The following USP15 variants were observed in gnomAD, a reference collection of about 807,000 sequenced individuals.
USP15 encodes the protein ubiquitin specific peptidase 15, also known as ubiquitin carboxyl-terminal hydrolase 15.
A neutral mutation model predicts 127.1 loss-of-function variants in USP15; 18 were observed. The observed-to-expected ratio is 0.14, with a 90% confidence interval of 0.10 to 0.21. The LOEUF (loss-of-function observed/expected upper bound fraction) is 0.21, where lower values mean the gene tolerates loss of function less well. USP15 is among the 10% of genes least tolerant of loss of function. The pLI is 1.00. For missense variants in USP15, 805 were observed against 1,159.9 expected, an observed-to-expected ratio of 0.69 and a Z score of 4.44; for synonymous variants, 364 against 393.7, an observed-to-expected ratio of 0.92 and a Z score of 0.89.
intron 1 of USP15, among the ~76,000 whole-genome samples, chr12:62,275,066 G>C (rs1001594985): frequency 6.6e-6 from 1 of 152,058 alleles, no homozygotes; most frequent in Non-Finnish European, 1.5e-5. Context: ...ATGGAGCGGG[G>C]AATATAGGTT....
intron 6 of USP15, among the ~76,000 whole-genome samples, chr12:62,329,166 G>A (rs1256479647): frequency 6.6e-6 from 1 of 152,152 alleles, no homozygotes; most frequent in African/African-American, 2.4e-5. Context: ...GTGGTCAGGA[G>A]TTCAAGACCA....
chr12:62,357,583 CAGTG>C (rs1428362846), intron 8 of USP15, among the ~76,000 whole-genome samples: 3 of 151,878 alleles, frequency 2.0e-5, no homozygotes, highest in Admixed American at 6.6e-5. Context: ...AAAATTTTAG[CAGTG>C]AGTATTTTAA....
chr12:62,335,709 C>CT, intron 6 of USP15: 2 of 985,390 alleles, frequency 2.0e-6, no homozygotes, highest in Non-Finnish European at 2.4e-6. Context: ...CATCCTTAAG[C>CT]TTTTTTTTCT....
intron 1 of USP15, among the ~76,000 whole-genome samples, chr12:62,276,245 G>A (rs1277980686): frequency 6.6e-6 from 1 of 152,042 alleles, no homozygotes. Context: ...AAATGTCTTA[G>A]TATTCAGAAA....
rs1448584062 is a variant in USP15, at chr12:62,415,866, G to A, written c.*11491G>A. The A allele has an allele frequency of 1.3e-5, 2 of 152,106 alleles. No individual in the cohort carries two copies. The highest frequency in any genetic ancestry group is 2.9e-5 in the Non-Finnish European group (2 of 68,020). The allele number at this position is 152,106 out of a possible 1,614,324, so 9.4% of individuals were successfully genotyped here. A position where few individuals can be genotyped will look rare whatever the true frequency, so the allele number is the denominator to read the frequency against. ...TTGTGTCTTGATCATTATGAAAAAT[G>A]TGGCAGGTATTATTACTAATAAAGA... On this transcript the variant is annotated 3_prime_UTR_variant, in exon 22 of 22. Coordinates refer to ENST00000280377, the MANE Select transcript of USP15 (RefSeq NM_001252078.2).
chr12:62,338,120 C>A lies in USP15; in HGVS notation c.684-11101C>A, dbSNP rs532464684. Among the ~76,000 whole-genome samples the A allele has an allele frequency of 3.3e-5, 5 of 152,336 alleles. No homozygotes were observed. The South Asian group carries it at 1.0e-3, about 32-fold the overall frequency. ...CAGTAGTGTAAAAGCATTCCTGTTTCTCCACATCTTCTCCAGCATCTTTTG... is the reference window on the plus strand; with the variant it reads ...CAGTAGTGTAAAAGCATTCCTGTTTATCCACATCTTCTCCAGCATCTTTTG... On this transcript the variant is annotated intron_variant, in intron 6 of 21. Coordinates refer to ENST00000280377, the MANE Select transcript of USP15 (RefSeq NM_001252078.2).
chr12:62,289,385 G>A (rs1243611951), intron 1 of USP15, among the ~76,000 whole-genome samples: 1 of 152,024 alleles, frequency 6.6e-6, no homozygotes, highest in Non-Finnish European at 1.5e-5. Flanking sequence ...TTTCTAGTTT[G>A]TGCATGTAGT....
chr12:62,382,644 A>G (rs1045282269), intron 9 of USP15, among the ~76,000 whole-genome samples: 1 of 151,896 alleles, frequency 6.6e-6, no homozygotes, highest in East Asian at 1.9e-4. Flanking sequence ...TTTCTGTCAG[A>G]TGATGATTCA....
At chr12:62,389,580 T>C in intron 12 of USP15, 25 bp from the exon 13 acceptor site, 3 of 1,610,154 alleles carry the variant, frequency 1.9e-6, no homozygotes, top group Non-Finnish European at 2.5e-6. Flanking sequence ...TAAAACCAGC[T>C]TAATAGAAAT....
chr12:62,338,639 ATTT>A (rs2065554886), intron 6 of USP15, among the ~76,000 whole-genome samples: 1 of 151,934 alleles, frequency 6.6e-6, no homozygotes, highest in African/African-American at 2.4e-5. Flanking sequence ...ATCTATCTTA[ATTT>A]TTTATAAGGT....
At chr12:62,325,402 T>C (rs2065098410) in intron 5 of USP15, among the ~76,000 whole-genome samples, 1 of 152,044 alleles carries the variant, frequency 6.6e-6, no homozygotes, top group East Asian at 1.9e-4. Flanking sequence ...ATCTGTAATT[T>C]GGAATTATCT....
chr12:62,404,228 A>C lies in USP15; in HGVS notation c.2799A>C (p.Gln933His), dbSNP rs1270294051. Residue 933 changes from glutamine to histidine, a missense_variant, in exon 22 of 22, where the codon CAA becomes CAC. Physicochemically the swap from Gln to His is conservative, Grantham distance 24. Coordinates refer to ENST00000280377, the MANE Select transcript of USP15 (RefSeq NM_001252078.2). Reference protein sequence around the residue: ...KAAYVLFYQRQDTFSGTGFFP... With the variant: ...KAAYVLFYQRHDTFSGTGFFP... ...CATATGTACTCTTCTACCAGAGACA[A>C]GACACTTTCAGTGGAACTGGCTTTT... 6.2e-7 allele frequency: 1 copy of C among 1,613,224 alleles called. No homozygotes were observed. The highest frequency in any genetic ancestry group is 8.5e-7 in the Non-Finnish European group (1 of 1,179,356).
chr12:62,297,405 G>A (rs2064163839), intron 2 of USP15, among the ~76,000 whole-genome samples: 2 of 152,052 alleles, frequency 1.3e-5, no homozygotes, highest in South Asian at 2.1e-4. Context: ...AACAAAGGAA[G>A]AGGGGCAAGT....
intron 1 of USP15, among the ~76,000 whole-genome samples, chr12:62,261,477 A>G (rs1347071895): frequency 1.3e-5 from 2 of 152,208 alleles, no homozygotes; most frequent in Non-Finnish European, 2.9e-5. Context: ...AGTAGTATAT[A>G]ATTCATAGAG....
intron 1 of USP15, among the ~76,000 whole-genome samples, chr12:62,287,255 G>A (rs1167916297): frequency 2.6e-5 from 4 of 152,032 alleles, no homozygotes; most frequent in Non-Finnish European, 5.9e-5. Context: ...ATTAGAAGCC[G>A]AAACCTCAGC....
intron 1 of USP15, among the ~76,000 whole-genome samples, chr12:62,273,189 AC>A (rs1232269646): frequency 6.6e-6 from 1 of 151,952 alleles, no homozygotes; most frequent in Non-Finnish European, 1.5e-5. Context: ...ACTTTTTCTT[AC>A]CACTTTTCTT....
At chr12:62,286,212 T>G (rs1173663873) in intron 1 of USP15, among the ~76,000 whole-genome samples, 1 of 152,014 alleles carries the variant, frequency 6.6e-6, no homozygotes, top group African/African-American at 2.4e-5. Flanking sequence ...CATTAAAAAG[T>G]GGACAAAGAA....
chr12:62,370,738 C>G (rs2066637524), intron 8 of USP15, among the ~76,000 whole-genome samples: 1 of 152,030 alleles, frequency 6.6e-6, no homozygotes, highest in Non-Finnish European at 1.5e-5. Flanking sequence ...TACTAATATC[C>G]AAAATTTCCC....
At chr12:62,260,526 C>T (rs1185222738) in intron 1 of USP15, 23 bp downstream of exon 1, 16 of 1,546,240 alleles carry the variant, frequency 1.0e-5, no homozygotes, top group Non-Finnish European at 1.4e-5. Flanking sequence ...GGTTGAGATG[C>T]CCGCGGTTGC....
Sources: allele counts gnomAD v4.1 joint callset (sites outside exome capture counted in the v4.1 genomes callset), GRCh38; gene constraint gnomAD v4.1.1; transcripts MANE v1.5; gene names NCBI Gene and HGNC (gene_info 2026-07-23, HGNC 2026-07-21).